The following NFIB variants were observed in gnomAD, a reference collection of about 807,000 sequenced individuals.
NFIB encodes nuclear factor 1 B-type.
NFIB carries 11 observed loss-of-function variants against 61.5 expected under a neutral mutation model. The observed-to-expected ratio is 0.18, with a 90% confidence interval of 0.11 to 0.30. The LOEUF (loss-of-function observed/expected upper bound fraction) is 0.30, where lower values mean the gene tolerates loss of function less well. NFIB is among the 10% of genes least tolerant of loss of function. NFIB has a pLI of 1.00. For synonymous variants in NFIB, 260 were observed against 216.5 expected (o/e 1.20, Z -1.76); for missense variants, 471 against 608.9 (o/e 0.77, Z 2.38).
At chr9:14,472,143 T>A in the NFIB span, among the ~76,000 whole-genome samples, 6 of 152,238 alleles carry the variant, frequency 3.9e-5, no homozygotes, top group African/African-American at 4.8e-5. Flanking sequence ...ACTGAAATTT[T>A]GAGGTCTATG....
chr9:14,501,846 G>A, the NFIB span, among the ~76,000 whole-genome samples: 1 of 152,206 alleles, frequency 6.6e-6, no homozygotes, highest in South Asian at 2.1e-4. Flanking sequence ...TGGAGGAGTT[G>A]GAGGCTCCTG....
rs1025607524 is a variant in NFIB at position 14,385,417 on chromosome 9, T to G, written c.108+13107A>C. 9.8e-5 allele frequency among the ~76,000 whole-genome samples: 15 copies of G among 152,342 alleles called. 1 individual carries two copies. Among genetic ancestry groups the G allele is most frequent in the African/African-American group, 3.6e-4 (15 of 41,580 alleles). On this transcript the variant is annotated intron_variant, in intron 1 of 8. Coordinates refer to the NFIB transcript ENST00000380934. ...GATACAGCCATCATACAGAGGGGGT[T>G]GGGAGGCCTTTGCAAAACACATATT...
rs772288964 is a variant in NFIB at position 14,084,412 on chromosome 9, C to T, written c.*3897G>A. ...ACTTGCAGCTTCACAGATTCATTCA[C>T]ATATTTTTTAATGGAGCTGCCCACC... On this transcript the variant is annotated 3_prime_UTR_variant, in exon 11 of 11. Coordinates refer to ENST00000380953, the MANE Select transcript of NFIB (RefSeq NM_001190737.2). 35 of 224,616 alleles carry T rather than the reference C, an allele frequency of 1.6e-4. No homozygotes were observed. The highest frequency in any genetic ancestry group is 1.5e-4 in the Non-Finnish European group (17 of 112,428). The allele number at this position is 224,616 out of a possible 1,614,324, so 13.9% of individuals were successfully genotyped here.
intron 10 of NFIB, among the ~76,000 whole-genome samples, chr9:14,095,979 T>C (rs1212877698): frequency 6.6e-6 from 1 of 152,186 alleles, no homozygotes; most frequent in Non-Finnish European, 1.5e-5. Context: ...GATTTTGCCA[T>C]TTCTTTTATC....
intron 3 of NFIB, among the ~76,000 whole-genome samples, chr9:14,179,441 C>A (rs755732895): frequency 2.6e-5 from 4 of 152,052 alleles, no homozygotes; most frequent in Non-Finnish European, 2.9e-5. Flanking sequence ...TTTCAAACAG[C>A]AATTATTTTA....
intron 1 of NFIB, among the ~76,000 whole-genome samples, chr9:14,349,867 T>TA (rs1008619952): frequency 1.3e-5 from 2 of 152,062 alleles, no homozygotes; most frequent in Non-Finnish European, 2.9e-5. Flanking sequence ...CCGCCTCCCT[T>TA]AAAAAAAGTC....
the NFIB span, among the ~76,000 whole-genome samples, chr9:14,432,282 G>A: frequency 6.6e-6 from 1 of 152,210 alleles, no homozygotes. Flanking sequence ...GTAGAAGTCA[G>A]TCTCAGAGAA....
At chr9:14,333,408 C>G (rs895323390) in intron 1 of NFIB, among the ~76,000 whole-genome samples, 3 of 152,134 alleles carry the variant, frequency 2.0e-5, no homozygotes, top group South Asian at 2.1e-4. Flanking sequence ...TTCTTCACCC[C>G]TCTTTCCTCA....
At chr9:14,222,600 C>T (rs114939219) in intron 2 of NFIB, among the ~76,000 whole-genome samples, 1,637 of 151,942 alleles carry the variant, frequency 0.011, 31 homozygotes, top group African/African-American at 0.037. Flanking sequence ...CCTAGGAGTT[C>T]GAGACCAGCC....
At chr9:14,356,516 G>A (rs186995852) in intron 1 of NFIB, among the ~76,000 whole-genome samples, 17 of 152,220 alleles carry the variant, frequency 1.1e-4, no homozygotes, top group Admixed American at 8.5e-4. Flanking sequence ...GGTCAGCAAG[G>A]CCCTGAGGGG....
intron 2 of NFIB, among the ~76,000 whole-genome samples, chr9:14,229,044 G>A (rs898927731): frequency 6.7e-6 from 1 of 149,086 alleles, no homozygotes; most frequent in African/African-American, 2.5e-5. Context: ...AAAAAAAACA[G>A]TAGTAGAGAA....
the NFIB span, among the ~76,000 whole-genome samples, chr9:14,453,855 G>C: frequency 6.6e-6 from 1 of 152,038 alleles, no homozygotes; most frequent in African/African-American, 2.4e-5. Flanking sequence ...GTCTGAGGCT[G>C]GTGGATCACA....
At chr9:14,123,885 G>C (rs2039288916) in intron 7 of NFIB, among the ~76,000 whole-genome samples, 1 of 151,792 alleles carries the variant, frequency 6.6e-6, no homozygotes, top group South Asian at 2.1e-4. Context: ...CTGCCTCCCA[G>C]GTTGCCCCTC....
upstream of NFIB, among the ~76,000 whole-genome samples, chr9:14,317,707 A>C (rs1342624310): frequency 6.6e-6 from 1 of 152,186 alleles, no homozygotes. Context: ...GCCAATGCCA[A>C]GGTCATTGCA....
chr9:14,218,792 T>C (rs990324372), intron 2 of NFIB, among the ~76,000 whole-genome samples: 5 of 152,232 alleles, frequency 3.3e-5, no homozygotes, highest in Non-Finnish European at 5.9e-5. Flanking sequence ...CCTAGATTTC[T>C]ATTAACTTTT....
At chr9:14,239,897 T>C (rs1056954309) in intron 2 of NFIB, among the ~76,000 whole-genome samples, 7 of 152,068 alleles carry the variant, frequency 4.6e-5, no homozygotes, top group African/African-American at 9.7e-5. Context: ...ACTTTTCCAA[T>C]GTAGAAACAA....
chr9:14,204,985 G>T, intron 2 of NFIB: 1 of 301,740 alleles, frequency 3.3e-6, no homozygotes, highest in Non-Finnish European at 6.4e-6. Context: ...CCAAGCCTGT[G>T]GCTTACATTG....
chr9:14,322,723 G>A (rs1406954492), intron 1 of NFIB, among the ~76,000 whole-genome samples: 1 of 151,958 alleles, frequency 6.6e-6, no homozygotes, highest in Non-Finnish European at 1.5e-5. Context: ...CGGGACCCGG[G>A]AGGCGGGAGC....
the NFIB span, among the ~76,000 whole-genome samples, chr9:14,531,384 G>A: frequency 1.3e-5 from 2 of 152,018 alleles, no homozygotes; most frequent in African/African-American, 4.8e-5. Context: ...ATTTAATTAC[G>A]CTGAGTGGCA....
Sources: gnomAD v4.1 joint callset for allele counts (sites outside exome capture counted in the v4.1 genomes callset) on GRCh38, gnomAD v4.1.1 for gene constraint, MANE v1.5 for transcripts, NCBI Gene and HGNC (gene_info 2026-07-23, HGNC 2026-07-21) for gene names.